SYNE1: variants seen among roughly 807,000 people sequenced by gnomAD.
SYNE1 encodes spectrin repeat containing nuclear envelope protein 1, also known as nesprin-1.
A neutral mutation model predicts 1,111.0 loss-of-function variants in SYNE1; 616 were observed. That is an observed-to-expected ratio of 0.55 (90% confidence interval 0.52 to 0.59). The LOEUF (loss-of-function observed/expected upper bound fraction) is 0.59, where lower values mean the gene tolerates loss of function less well. Ranked by LOEUF, SYNE1 falls within the 20% of genes least tolerant of loss-of-function variation. The pLI, the probability that SYNE1 is intolerant of heterozygous loss-of-function variation, is 0.00. For missense variants in SYNE1, 10,006 were observed against 10,417.0 expected (o/e 0.96, Z 1.72); for synonymous variants, 3,855 against 3,825.8 (o/e 1.01, Z -0.28).
chr6:152,457,467 G>A (rs1440988496), intron 22 of SYNE1, among the ~76,000 whole-genome samples: 1 of 152,122 alleles, frequency 6.6e-6, no homozygotes, highest in South Asian at 2.1e-4. Context: ...TCTCTCCTCT[G>A]ATGGACAGGT....
chr6:152,594,108 T>G (rs753164276), intron 3 of SYNE1, among the ~76,000 whole-genome samples: 7 of 152,196 alleles, frequency 4.6e-5, no homozygotes, highest in African/African-American at 7.2e-5. Flanking sequence ...GAGGAGTCAT[T>G]GTCAGGTGCA....
chr6:152,250,490 T>G (rs1447899480), intron 104 of SYNE1, among the ~76,000 whole-genome samples: 1 of 152,144 alleles, frequency 6.6e-6, no homozygotes, highest in Non-Finnish European at 1.5e-5. Flanking sequence ...GAAGGCTTTA[T>G]AATGTAAATT....
chr6:152,365,273 A>T (rs1330245714), intron 62 of SYNE1, among the ~76,000 whole-genome samples: 1 of 152,098 alleles, frequency 6.6e-6, no homozygotes, highest in Admixed American at 6.5e-5. Flanking sequence ...CCTTCCAATG[A>T]AGTTTTACTT....
chr6:152,472,672 T>G lies in SYNE1; in HGVS notation c.1351-259A>C, dbSNP rs1007677413. The G allele has an allele frequency of 5.7e-6, 4 of 699,892 alleles. No homozygotes were observed. In the African/African-American group the frequency reaches 7.0e-5, roughly 12 times the overall value. 43.4% of individuals were successfully genotyped at this position (699,892 alleles called of 1,614,324 possible). On this transcript the variant is annotated intron_variant, in intron 14 of 145. Coordinates refer to ENST00000367255, the MANE Select transcript of SYNE1 (RefSeq NM_182961.4). ...CACATGACACTTGCACAGCAATGCA[T>G]TCAGACGTTTTAAAGGCACATGATC...
intron 107 of SYNE1, among the ~76,000 whole-genome samples, chr6:152,241,514 G>GTGTGTGTGTGTGTGTGTC (rs1317964828): frequency 1.5e-5 from 2 of 131,640 alleles, no homozygotes; most frequent in Non-Finnish European, 3.2e-5. Flanking sequence ...GTGTGTGTGT[G>GTGTGTGTGTGTGTGTGTC]TGTGTGTGTG....
At chr6:152,198,078 G>C (rs912000581) in intron 127 of SYNE1, among the ~76,000 whole-genome samples, 5 of 138,076 alleles carry the variant, frequency 3.6e-5, no homozygotes, top group African/African-American at 1.3e-4. Context: ...GGGAAGGAAG[G>C]AAAGAGGAAG....
intron 11 of SYNE1, among the ~76,000 whole-genome samples, chr6:152,497,624 G>C (rs1353794211): frequency 6.6e-6 from 1 of 152,192 alleles, no homozygotes; most frequent in Non-Finnish European, 1.5e-5. Flanking sequence ...TCATCTGAGA[G>C]AAAAGGGTTA....
chr6:152,376,986 A>C (rs960460572), intron 56 of SYNE1, 74 bp from the exon 57 acceptor site: 10 of 1,541,376 alleles, frequency 6.5e-6, no homozygotes, highest in African/African-American at 1.4e-5. Flanking sequence ...CTATACATGC[A>C]TCAATCATAT....
At chr6:152,220,792 G>A (rs1308690465) in intron 119 of SYNE1, 50 bp downstream of exon 119, 2 of 1,535,290 alleles carry the variant, frequency 1.3e-6, no homozygotes, top group South Asian at 1.1e-5. Context: ...GCTAAACTTG[G>A]GCAGTCTAAG....
intron 3 of SYNE1, among the ~76,000 whole-genome samples, chr6:152,591,400 G>T (rs1451346721): frequency 5.3e-5 from 8 of 152,160 alleles, no homozygotes; most frequent in Non-Finnish European, 1.2e-4. Flanking sequence ...ACAAAAACAA[G>T]CAATGGGAAA....
chr6:152,212,442 A>G (rs187968265), intron 123 of SYNE1, among the ~76,000 whole-genome samples: 54 of 152,312 alleles, frequency 3.5e-4, no homozygotes, highest in Non-Finnish European at 3.5e-4. Context: ...TACATGTTGC[A>G]ACATATATCA....
chr6:152,399,725 C>T lies in SYNE1; in HGVS notation c.7128G>A (p.Glu2376=). The change falls in exon 48 of 146, where the codon GAG becomes GAA. Residue 2376 remains glutamate (E), a synonymous_variant. Transcript: ENST00000367255. ...LCRKYHSAEL[E]SLGRAMTGLI... Reference sequence around the variant, plus strand: ...GACCAGTCATTGCACGGCCCAGGCTCTCCAACTCAGCTGAGTGGTACTTGC... The same window carrying T: ...GACCAGTCATTGCACGGCCCAGGCTTTCCAACTCAGCTGAGTGGTACTTGC... The T allele has an allele frequency of 1.2e-6, 2 of 1,614,162 alleles. No homozygotes were observed. Among genetic ancestry groups the T allele is most frequent in the Non-Finnish European group, 1.7e-6 (2 of 1,180,026 alleles).
Position 152,390,357 on chromosome 6 carries a change from C to T in SYNE1, c.8100G>A (p.Gln2700=), listed in dbSNP as rs2097590031. 6.8e-6 allele frequency: 11 copies of T among 1,614,054 alleles called. No homozygotes were observed. The East Asian group carries it at 2.5e-4, about 36-fold the overall frequency. The change falls in exon 53 of 146, where the codon CAG becomes CAA. Residue 2700 remains glutamine (Q), a synonymous_variant. Transcript: ENST00000367255. ...TCTCTAACTGAGTCTGAATCACCCT[C>T]TGACCTTCTTTGTTGCTACTTCTCA... ...QALRSSNKEG[Q]RVIQTQLETL...
chr6:152,307,655 AGTCCTAAG>A, intron 91 of SYNE1, among the ~76,000 whole-genome samples: 1 of 152,194 alleles, frequency 6.6e-6, no homozygotes. Flanking sequence ...GGAGTGGTCA[AGTCCTAAG>A]GTCATAATGA....
intron 4 of SYNE1, among the ~76,000 whole-genome samples, chr6:152,539,196 C>T (rs2099258117): frequency 1.3e-5 from 2 of 152,246 alleles, no homozygotes; most frequent in African/African-American, 2.4e-5. Flanking sequence ...GGAGAGTCAA[C>T]ATAACTTCCA....
chr6:152,565,771 TCC>T (rs2099411507), intron 3 of SYNE1, among the ~76,000 whole-genome samples: 2 of 152,200 alleles, frequency 1.3e-5, no homozygotes, highest in Non-Finnish European at 2.9e-5. Flanking sequence ...GGATTTCTTG[TCC>T]TTTTCAATTT....
At chr6:152,462,483 A>C (rs1039793571) in intron 20 of SYNE1, 2 of 586,058 alleles carry the variant, frequency 3.4e-6, no homozygotes, top group African/African-American at 3.7e-5. Context: ...GTTTTTTCCT[A>C]ATACTTTTTA....
intron 22 of SYNE1, chr6:152,456,891 G>T: frequency 3.9e-6 from 1 of 254,254 alleles, no homozygotes; most frequent in South Asian, 3.8e-5. Flanking sequence ...TTTTTTGTTT[G>T]TTTGTTTTGG....
chr6:152,424,645 G>A (rs1396847079), intron 39 of SYNE1, among the ~76,000 whole-genome samples: 2 of 152,064 alleles, frequency 1.3e-5, no homozygotes, highest in African/African-American at 2.4e-5. Flanking sequence ...ATATATATTT[G>A]TTGATTGATT....
Sources: gnomAD v4.1 joint callset for allele counts (sites outside exome capture counted in the v4.1 genomes callset) on GRCh38, gnomAD v4.1.1 for gene constraint, MANE v1.5 for transcripts, NCBI Gene and HGNC (gene_info 2026-07-23, HGNC 2026-07-21) for gene names.